ECE1: variants seen among roughly 807,000 people sequenced by gnomAD.
ECE1 encodes endothelin-converting enzyme 1.
ECE1 carries 35 observed loss-of-function variants against 98.6 expected under a neutral mutation model. The observed-to-expected ratio is 0.35, with a 90% confidence interval of 0.27 to 0.47. The LOEUF (loss-of-function observed/expected upper bound fraction) is 0.47. Ranked by LOEUF, ECE1 falls within the 20% of genes least tolerant of loss-of-function variation. The pLI, the probability that ECE1 is intolerant of heterozygous loss-of-function variation, is 1.00. For synonymous variants in ECE1, 394 were observed against 407.1 expected (o/e 0.97, Z 0.39); for missense variants, 814 against 1,025.3 (o/e 0.79, Z 2.81).
At chr1:21,342,607 T>TACACACACACACACAC (rs71014187) in intron 1 of ECE1, among the ~76,000 whole-genome samples, 2 of 139,826 alleles carry the variant, frequency 1.4e-5, no homozygotes, top group East Asian at 2.1e-4. Context: ...CACACACAGA[T>TACACACACACACACAC]ACACACACAC....
chr1:21,309,311 C>G (rs768045128), intron 1 of ECE1, among the ~76,000 whole-genome samples: 5 of 152,218 alleles, frequency 3.3e-5, no homozygotes, highest in Non-Finnish European at 7.3e-5. Context: ...CTGGCTCTGT[C>G]ATTTACCAAC....
chr1:21,302,078 T>C (rs889806862), intron 1 of ECE1, among the ~76,000 whole-genome samples: 13 of 152,158 alleles, frequency 8.5e-5, no homozygotes, highest in Non-Finnish European at 7.3e-5. Flanking sequence ...GGCCCAAAAC[T>C]GCATGGCATT....
At chr1:21,316,826 A>G (rs1463572537) in intron 1 of ECE1, among the ~76,000 whole-genome samples, 2 of 152,216 alleles carry the variant, frequency 1.3e-5, no homozygotes, top group Admixed American at 6.5e-5. Context: ...AGAAGTCAAC[A>G]TGGAGCCTCC....
At chr1:21,343,754 C>A (rs1448788096) in intron 1 of ECE1, among the ~76,000 whole-genome samples, 1 of 152,172 alleles carries the variant, frequency 6.6e-6, no homozygotes, top group African/African-American at 2.4e-5. Flanking sequence ...GGCTGGTGGG[C>A]TTCTTCAGTT....
chr1:21,332,824 G>A (rs1639230477), intron 1 of ECE1, among the ~76,000 whole-genome samples: 1 of 136,718 alleles, frequency 7.3e-6, no homozygotes, highest in Non-Finnish European at 1.6e-5. Flanking sequence ...AGGGAAGGGG[G>A]CTGCGGGAAC....
At chr1:21,293,078 C>T (rs965846921), upstream of ECE1, among the ~76,000 whole-genome samples, 3 of 152,180 alleles carry the variant, frequency 2.0e-5, no homozygotes, top group Admixed American at 1.3e-4. Flanking sequence ...GGGATTCACC[C>T]GGCTGGTGTA....
At chr1:21,223,874 A>G (rs2098170484) in intron 17 of ECE1, among the ~76,000 whole-genome samples, 1 of 152,246 alleles carries the variant, frequency 6.6e-6, no homozygotes, top group South Asian at 2.1e-4. Context: ...CTGGGATTAT[A>G]GGCATGAGCC....
intron 3 of ECE1, among the ~76,000 whole-genome samples, chr1:21,274,310 C>T (rs1422901645): frequency 6.6e-6 from 1 of 152,208 alleles, no homozygotes; most frequent in South Asian, 2.1e-4. Flanking sequence ...GGGGCTGGTG[C>T]AGCCTGACTG....
At chr1:21,262,261 T>G (rs992212627) in intron 4 of ECE1, among the ~76,000 whole-genome samples, 27 of 152,156 alleles carry the variant, frequency 1.8e-4, no homozygotes, top group African/African-American at 6.0e-4. Flanking sequence ...CATGGGCTAC[T>G]GGGTTGCTAA....
chr1:21,228,008 G>A lies in ECE1; in HGVS notation c.1704C>T (p.Tyr568=). 2 of 1,565,418 alleles carry A rather than the reference G, an allele frequency of 1.3e-6. No individual in the cohort carries two copies. Among genetic ancestry groups the A allele is most frequent in the South Asian group, 2.4e-5 (2 of 85,038 alleles). The change falls in exon 15 of 19, where the codon TAC becomes TAT. Residue 568 remains tyrosine, a synonymous_variant. Coordinates refer to ENST00000374893, the MANE Select transcript of ECE1 (RefSeq NM_001397.3). ...CAATCTCATTCTTGGTGGGCGAGTA[G>A]TAGGCGTTCACCATGGGCGGGGTCA... ...WSMTPPMVNA[Y]YSPTKNEIVF... is the part of the protein sequence containing the mutation.
chr1:21,291,058 C>T (rs1180465153), upstream of ECE1, among the ~76,000 whole-genome samples: 1 of 152,160 alleles, frequency 6.6e-6, no homozygotes, highest in Admixed American at 6.5e-5. Context: ...AACCATTGCT[C>T]CAGGGGGAGT....
At chr1:21,308,095 A>AT (rs1418719493) in intron 1 of ECE1, among the ~76,000 whole-genome samples, 2 of 151,990 alleles carry the variant, frequency 1.3e-5, no homozygotes, top group Admixed American at 6.5e-5. Flanking sequence ...CCCTGGAGAC[A>AT]TTTTCCACTT....
In ECE1 at chr1:21,345,382, T is replaced by C; in HGVS notation, c.-4A>G. 3 of 1,341,022 alleles carry C rather than the reference T, an allele frequency of 2.2e-6. No individual in the cohort carries two copies. Among genetic ancestry groups the C allele is most frequent in the Non-Finnish European group, 2.9e-6 (3 of 1,036,092 alleles). 83.1% of individuals were successfully genotyped at this position (1,341,022 alleles called of 1,614,324 possible). A position where few individuals can be genotyped will look rare whatever the true frequency, so the allele number is the denominator to read the frequency against. Reference sequence around the variant, plus strand: ...CTCCGCGCGCAGCACTCACCATAGCTCGCGTGCTCCGCCCCGGCTTCGCGC... The same window carrying C: ...CTCCGCGCGCAGCACTCACCATAGCCCGCGTGCTCCGCCCCGGCTTCGCGC... On this transcript the variant is annotated 5_prime_UTR_variant, in exon 1 of 19. Transcript: ENST00000415912. This position sits in a 1 kb window ranked among gnomAD's most constrained non-coding sequence, Gnocchi z 5.1.
chr1:21,260,137 T>C lies in ECE1; in HGVS notation c.615+134A>G. The C allele has an allele frequency of 7.3e-7, 1 of 1,368,992 alleles. No homozygotes were observed. The highest frequency in any genetic ancestry group is 1.0e-6 in the Non-Finnish European group (1 of 965,878). The allele number at this position is 1,368,992 out of a possible 1,614,324, so 84.8% of individuals were successfully genotyped here. On this transcript the variant is annotated intron_variant, in intron 5 of 18. Transcript: ENST00000374893. This position sits in a 1 kb window ranked among gnomAD's most constrained non-coding sequence, Gnocchi z 4.3. ...TGCTCTCGCACACTCGCTCTCTCTCTTTCTGTCTTTCTCTTGGTGCTACCG... is the reference window on the plus strand; with the variant it reads ...TGCTCTCGCACACTCGCTCTCTCTCCTTCTGTCTTTCTCTTGGTGCTACCG...
chr1:21,337,593 T>G (rs1639326561), intron 1 of ECE1, among the ~76,000 whole-genome samples: 1 of 152,200 alleles, frequency 6.6e-6, no homozygotes, highest in African/African-American at 2.4e-5. Context: ...AGGTCCAGTC[T>G]GGCATCCTGT....
rs1027967221 is a variant in ECE1, at chr1:21,233,269, G to A, written c.1670+289C>T. ...TGAAATGAAGGCTCCAAATCCCAAA[G>A]CAGTGGAGCGGAGACAAGGTGCCAG... On this transcript the variant is annotated intron_variant, in intron 14 of 18. Transcript: ENST00000374893. The surrounding 1 kb of genome is among the most constrained non-coding windows in gnomAD (Gnocchi z 4.0). The A allele has an allele frequency of 2.7e-6, 1 of 367,012 alleles. No individual in the cohort carries two copies. Among genetic ancestry groups the A allele is most frequent in the African/African-American group, 2.1e-5 (1 of 48,146 alleles). The allele number at this position is 367,012 out of a possible 1,614,324, so 22.7% of individuals were successfully genotyped here. A position where few individuals can be genotyped will look rare whatever the true frequency, so the allele number is the denominator to read the frequency against.
chr1:21,249,595 T>C (rs557186827), intron 8 of ECE1, among the ~76,000 whole-genome samples: 47 of 152,054 alleles, frequency 3.1e-4, no homozygotes, highest in Non-Finnish European at 4.3e-4. Context: ...GGTGGGAGAA[T>C]TGCTTGAGCC....
intron 1 of ECE1, among the ~76,000 whole-genome samples, chr1:21,317,492 G>T (rs1638854656): frequency 6.6e-6 from 1 of 152,230 alleles, no homozygotes; most frequent in Non-Finnish European, 1.5e-5. Flanking sequence ...CGCTGAGCTG[G>T]TGACGCATCT....
intron 2 of ECE1, 95 bp downstream of exon 2, chr1:21,289,975 A>G (rs1352648807): frequency 9.2e-7 from 1 of 1,082,638 alleles, no homozygotes; most frequent in Non-Finnish European, 1.1e-6. Context: ...GGAGGGGAAG[A>G]GGCGGGGTAG....
Sources: allele counts gnomAD v4.1 joint callset (sites outside exome capture counted in the v4.1 genomes callset), GRCh38; gene constraint gnomAD v4.1.1; non-coding constraint Gnocchi (gnomAD v3.1); transcripts MANE v1.5; gene names NCBI Gene and HGNC (gene_info 2026-07-23, HGNC 2026-07-21).